SULF1: variants seen among roughly 807,000 people sequenced by gnomAD.
SULF1 encodes sulfatase 1.
Under a neutral mutation model 110.5 loss-of-function variants are expected in SULF1, and 46 were observed. That is an observed-to-expected ratio of 0.42 (90% CI 0.33 to 0.53). The LOEUF (loss-of-function observed/expected upper bound fraction) is 0.53. Among genes scored for constraint, SULF1 ranks in the 20% least tolerant of loss-of-function variants. SULF1 has a pLI of 0.12. For missense variants in SULF1, 941 were observed against 1,094.2 expected (o/e 0.86, Z 1.98); for synonymous variants, 371 against 387.1 (o/e 0.96, Z 0.49).
At chr8:69,517,648 G>A (rs944530039) in intron 3 of SULF1, among the ~76,000 whole-genome samples, 6 of 151,966 alleles carry the variant, frequency 3.9e-5, no homozygotes, top group African/African-American at 1.4e-4. Context: ...CAGGTCCTGG[G>A]GACTTCAAAC....
chr8:69,482,475 C>T (rs1343931595), intron 1 of SULF1, among the ~76,000 whole-genome samples: 2 of 151,912 alleles, frequency 1.3e-5, no homozygotes, highest in Non-Finnish European at 2.9e-5. Context: ...GTGACACATA[C>T]TGAAATATTA....
intron 2 of SULF1, among the ~76,000 whole-genome samples, chr8:69,498,206 A>C (rs1810516933): frequency 6.6e-6 from 1 of 151,986 alleles, no homozygotes; most frequent in Admixed American, 6.6e-5. Flanking sequence ...AAACATCCTA[A>C]GTCTGACTTA....
rs7844388 is a variant in SULF1, at chr8:69,641,874, C to T, written c.2585+1033C>T. On this transcript the variant is annotated intron_variant, in intron 22 of 22. Transcript: ENST00000402687. ...ATGCCCCTCCAACCCTCATCCATCC[C>T]TCACTGTGCTCTGGAGGGGGGACGC... Among the ~76,000 whole-genome samples, 871 of 152,264 alleles carry T rather than the reference C, an allele frequency of 5.7e-3. 3 individuals are homozygous for T. The highest frequency in any genetic ancestry group is 0.02 in the African/African-American group (815 of 41,552).
chr8:69,548,614 A>AT (rs3059933), intron 3 of SULF1, among the ~76,000 whole-genome samples: 14,278 of 120,828 alleles, frequency 0.12, 1,183 homozygotes, highest in East Asian at 0.31. Context: ...TGCCTCGCTG[A>AT]TTTTTTTTTT....
Position 69,564,059 on chromosome 8 carries a change from G to A in SULF1, c.84G>A (p.Pro28=), listed in dbSNP as rs949304357. The A allele has an allele frequency of 1.2e-5, 19 of 1,614,070 alleles. No individual in the cohort carries two copies. Among genetic ancestry groups the A allele is most frequent in the East Asian group, 4.5e-5 (2 of 44,908 alleles). The change falls in exon 5 of 23, where the codon CCG becomes CCA. Residue 28 remains proline, a synonymous_variant. Coordinates refer to ENST00000402687, the MANE Select transcript of SULF1 (RefSeq NM_001128205.2). ...LGSLCSTVRS[P]RFRGRIQQER... is the part of the protein sequence containing the mutation. ...GCCTCTGTTCGACTGTCAGATCCCC[G>A]AGGTTCAGAGGACGGATACAGCAGG...
chr8:69,531,125 G>A (rs761941129), intron 3 of SULF1, among the ~76,000 whole-genome samples: 6 of 152,194 alleles, frequency 3.9e-5, no homozygotes, highest in Non-Finnish European at 7.3e-5. Context: ...GCCTGAGCCT[G>A]TATTCTGACC....
At chr8:69,645,596 C>T (rs1243958247) in intron 22 of SULF1, among the ~76,000 whole-genome samples, 1 of 152,182 alleles carries the variant, frequency 6.6e-6, no homozygotes, top group Non-Finnish European at 1.5e-5. Context: ...CCAACCCAAC[C>T]CTGAGAAATC....
In SULF1 at chr8:69,620,270, C is replaced by T. The variant is rs146457993; in HGVS notation, c.1378-765C>T. ...GTCTCCTCATCTCCTTGTCTGCTTCCGGAGCCTGAGTTTCAGGGTTTATAT... is the reference window on the plus strand; with the variant it reads ...GTCTCCTCATCTCCTTGTCTGCTTCTGGAGCCTGAGTTTCAGGGTTTATAT... On this transcript the variant is annotated intron_variant, in intron 13 of 22. Transcript: ENST00000402687. 1.3e-4 allele frequency among the ~76,000 whole-genome samples: 20 copies of T among 152,230 alleles called. No individual in the cohort carries two copies. In the East Asian group the frequency reaches 1.4e-3, roughly 10 times the overall value.
chr8:69,511,212 A>G (rs897246661), intron 3 of SULF1, among the ~76,000 whole-genome samples: 1 of 152,232 alleles, frequency 6.6e-6, no homozygotes, highest in Non-Finnish European at 1.5e-5. Context: ...GGAATATATT[A>G]TCAGCATCTG....
intron 6 of SULF1, 47 bp from the exon 7 acceptor site, chr8:69,586,310 G>A: frequency 1.3e-6 from 2 of 1,512,118 alleles, no homozygotes; most frequent in Non-Finnish European, 1.8e-6. Context: ...ATTTATTTAT[G>A]ATTAATCATT....
chr8:69,559,933 C>T (rs1419715884), intron 3 of SULF1, among the ~76,000 whole-genome samples: 1 of 152,162 alleles, frequency 6.6e-6, no homozygotes, highest in Non-Finnish European at 1.5e-5. Flanking sequence ...TGTGAAGCTT[C>T]TATCATTCAT....
intron 4 of SULF1, 76 bp from the exon 5 acceptor site, chr8:69,563,840 C>T: frequency 1.2e-6 from 1 of 822,858 alleles, no homozygotes; most frequent in Non-Finnish European, 1.9e-6. Flanking sequence ...TTATTTGTAG[C>T]CCTTTCTCTG....
At chr8:69,589,194 C>A in intron 8 of SULF1, 53 bp downstream of exon 8, 1 of 1,539,796 alleles carries the variant, frequency 6.5e-7, no homozygotes. Flanking sequence ...TCCCTTTTCT[C>A]CTCATCCCAC....
intron 1 of SULF1, among the ~76,000 whole-genome samples, chr8:69,477,704 A>T (rs1809357815): frequency 6.6e-6 from 1 of 152,142 alleles, no homozygotes; most frequent in Non-Finnish European, 1.5e-5. Context: ...TACTATTAAT[A>T]GTGTGATTTT....
intron 22 of SULF1, among the ~76,000 whole-genome samples, chr8:69,646,299 A>G (rs1443873912): frequency 6.6e-6 from 1 of 152,146 alleles, no homozygotes; most frequent in Non-Finnish European, 1.5e-5. Context: ...TCACTTCCCA[A>G]TTTGAGGACC....
chr8:69,469,193 A>G (rs1808982657), intron 1 of SULF1: 1 of 152,236 alleles, frequency 6.6e-6, no homozygotes, highest in Non-Finnish European at 1.5e-5. Context: ...GTAAACATGC[A>G]GAGACATATT....
intron 13 of SULF1, among the ~76,000 whole-genome samples, chr8:69,613,075 C>A (rs935895752): frequency 6.6e-6 from 1 of 152,126 alleles, no homozygotes; most frequent in Non-Finnish European, 1.5e-5. Context: ...CTACATGTGG[C>A]TTGCCAGTTT....
At chr8:69,595,969 T>C (rs1398356571) in intron 8 of SULF1, among the ~76,000 whole-genome samples, 1 of 152,210 alleles carries the variant, frequency 6.6e-6, no homozygotes, top group Non-Finnish European at 1.5e-5. Flanking sequence ...TTTAGAATTC[T>C]TATTTCTGTC....
chr8:69,520,188 G>T (rs997748018), intron 3 of SULF1, among the ~76,000 whole-genome samples: 4 of 149,918 alleles, frequency 2.7e-5, no homozygotes, highest in African/African-American at 7.4e-5. Flanking sequence ...GTCAACACAG[G>T]GTTCACACAA....
Sources: allele counts gnomAD v4.1 joint callset (sites outside exome capture counted in the v4.1 genomes callset), GRCh38; gene constraint gnomAD v4.1.1; transcripts MANE v1.5; gene names NCBI Gene and HGNC (gene_info 2026-07-23, HGNC 2026-07-21).